Variants in ARHGEF4 observed in about 807,000 individuals in gnomAD.
ARHGEF4 encodes APC-stimulated guanine nucleotide exchange factor 1.
In ARHGEF4, 119 loss-of-function variants were observed where a neutral mutation model predicts 162.0. The observed-to-expected ratio is 0.73, with a 90% CI of 0.63 to 0.86. The LOEUF (loss-of-function observed/expected upper bound fraction) is 0.86, where lower values mean the gene tolerates loss of function less well. ARHGEF4 is among the 40% of genes least tolerant of loss of function. The pLI is 0.00. For missense variants in ARHGEF4, 2,488 were observed against 2,456.0 expected, an observed-to-expected ratio of 1.01 and a Z score of -0.28; for synonymous variants, 1,014 against 979.9, an observed-to-expected ratio of 1.03 and a Z score of -0.65.
At chr2:130,908,053 T>C (rs1014395697) in intron 1 of ARHGEF4, among the ~76,000 whole-genome samples, 11 of 152,206 alleles carry the variant, frequency 7.2e-5, no homozygotes, top group Non-Finnish European at 5.9e-5. Flanking sequence ...TGGTCATATG[T>C]TTAGTTTTAT....
intron 4 of ARHGEF4, among the ~76,000 whole-genome samples, chr2:130,978,103 A>G (rs933355273): frequency 3.9e-5 from 6 of 152,236 alleles, no homozygotes; most frequent in South Asian, 2.1e-4. Flanking sequence ...AAACAAATAC[A>G]AGTTTCAAGC....
chr2:130,865,029 G>A (rs56013843), intron 1 of ARHGEF4, among the ~76,000 whole-genome samples: 12,604 of 152,230 alleles, frequency 0.083, 1,000 homozygotes, highest in African/African-American at 0.2. Flanking sequence ...AAGCCGATAA[G>A]GTGATGCAAG....
intron 4 of ARHGEF4, among the ~76,000 whole-genome samples, chr2:130,948,569 TTTCAGTGTCACTTGA>T (rs1683764730): frequency 6.6e-6 from 1 of 152,234 alleles, no homozygotes; most frequent in Non-Finnish European, 1.5e-5. Flanking sequence ...TTTCCTATTA[TTTCAGTGTCACTTGA>T]AATAATTGGC....
rs1683373197 is a variant in ARHGEF4, at chr2:130,942,543, AAAAAGTATG to A, written c.3859-3960_3859-3952del. Among the ~76,000 whole-genome samples, 3 of 152,330 alleles carry A rather than the reference AAAAAGTATG, an allele frequency of 2.0e-5. No homozygotes were observed. In the South Asian group the frequency reaches 6.2e-4, roughly 32 times the overall value. ...AGATCAACTGCAGGTATAATTCTGAAAAAAGTATGAAAAGAAGCAAGTAATAATATGGTG... is the reference window on the plus strand; with the variant it reads ...AGATCAACTGCAGGTATAATTCTGAAAAAAGAAGCAAGTAATAATATGGTG... On this transcript the variant is annotated intron_variant, in intron 3 of 13. Coordinates refer to ENST00000409359, the MANE Select transcript of ARHGEF4 (RefSeq NM_001367493.1).
At chr2:130,864,714 ACT>A (rs1682144812) in intron 1 of ARHGEF4, among the ~76,000 whole-genome samples, 1 of 152,166 alleles carries the variant, frequency 6.6e-6, no homozygotes, top group African/African-American at 2.4e-5. Context: ...ACAGAGCCAG[ACT>A]CTGTCTCAAA....
At chr2:131,043,715 G>GC in intron 11 of ARHGEF4, 132 bp downstream of exon 11, 13 of 999,586 alleles carry the variant, frequency 1.3e-5, no homozygotes, top group Admixed American at 2.6e-5. Context: ...GACCCTTGGG[G>GC]CTGGGATGGG....
chr2:131,042,645 G>A (rs1690906877), intron 10 of ARHGEF4, among the ~76,000 whole-genome samples: 1 of 152,244 alleles, frequency 6.6e-6, no homozygotes, highest in African/African-American at 2.4e-5. Context: ...TGAATCAGAA[G>A]CCCTGGGGCG....
chr2:130,872,576 A>G (rs77916196), intron 1 of ARHGEF4, among the ~76,000 whole-genome samples: 83 of 152,266 alleles, frequency 5.5e-4, no homozygotes, highest in African/African-American at 1.9e-3. Flanking sequence ...ACTGGGTACA[A>G]TCGCAAATCT....
Position 131,007,939 on chromosome 2 carries a change from A to G in ARHGEF4, c.3986-20006A>G, listed in dbSNP as rs549755445. Among the ~76,000 whole-genome samples, 49 of 150,206 alleles carry G rather than the reference A, an allele frequency of 3.3e-4. 1 individual carries two copies. Among genetic ancestry groups the G allele is most frequent in the African/African-American group, 1.2e-3 (49 of 40,864 alleles). The stretch of plus-strand genomic sequence containing the variant: ...TGATTCTCATTGCCTCAGCCTCCCA[A>G]GTAGCTGTGATTACAGGCACCCACC... On this transcript the variant is annotated intron_variant, in intron 4 of 13. Transcript: ENST00000409359.
intron 4 of ARHGEF4, among the ~76,000 whole-genome samples, chr2:131,006,411 T>C (rs1249577426): frequency 2.0e-5 from 3 of 152,152 alleles, no homozygotes; most frequent in African/African-American, 4.8e-5. Context: ...AGGAAAATAA[T>C]ACATGCATCC....
intron 2 of ARHGEF4, among the ~76,000 whole-genome samples, chr2:130,929,278 T>C (rs1215269146): frequency 1.3e-5 from 2 of 152,210 alleles, no homozygotes; most frequent in Non-Finnish European, 2.9e-5. Flanking sequence ...ACCTTGGACA[T>C]ACCTGGAGAG....
At chr2:131,030,718 T>C (rs1055820151) in intron 5 of ARHGEF4, among the ~76,000 whole-genome samples, 1 of 152,216 alleles carries the variant, frequency 6.6e-6, no homozygotes, top group Non-Finnish European at 1.5e-5. Context: ...CTTGGAGGCC[T>C]CTCTGGGTCC....
chr2:130,998,772 T>C (rs1573568937), intron 4 of ARHGEF4, among the ~76,000 whole-genome samples: 2 of 152,382 alleles, frequency 1.3e-5, no homozygotes, highest in East Asian at 3.9e-4. Context: ...AAAGCTGCTA[T>C]AAACATTTGT....
intron 1 of ARHGEF4, among the ~76,000 whole-genome samples, chr2:130,911,653 C>CT (rs1681193887): frequency 6.6e-6 from 1 of 152,328 alleles, no homozygotes; most frequent in Admixed American, 6.5e-5. Flanking sequence ...ACTACACCAG[C>CT]TTTGTTACCT....
At chr2:131,042,031 G>A in intron 10 of ARHGEF4, 87 bp downstream of exon 10, 9 of 1,502,804 alleles carry the variant, frequency 6.0e-6, no homozygotes, top group Non-Finnish European at 8.0e-6. Context: ...CTAGAAGGGA[G>A]CTGAAGCAGG....
At chr2:130,877,012 C>A (rs536722557) in intron 1 of ARHGEF4, among the ~76,000 whole-genome samples, 1 of 152,158 alleles carries the variant, frequency 6.6e-6, no homozygotes, top group Non-Finnish European at 1.5e-5. Context: ...ACAGTGATTC[C>A]TAACTTGGGG....
At chr2:130,890,519 G>A (rs1380579470) in intron 1 of ARHGEF4, among the ~76,000 whole-genome samples, 4 of 150,824 alleles carry the variant, frequency 2.7e-5, no homozygotes, top group South Asian at 2.1e-4. Flanking sequence ...CCAAGATCAC[G>A]CAACTGCACT....
chr2:130,856,823 A>G (rs980706025), intron 1 of ARHGEF4, among the ~76,000 whole-genome samples: 4 of 152,226 alleles, frequency 2.6e-5, no homozygotes, highest in Non-Finnish European at 4.4e-5. Flanking sequence ...GAAATGTAAT[A>G]TGCTTCACAG....
At chr2:130,837,065 G>T in intron 1 of ARHGEF4, 73 bp downstream of exon 1, 2 of 1,210,724 alleles carry the variant, frequency 1.7e-6, no homozygotes, top group Middle Eastern at 3.2e-4. Flanking sequence ...CACAGCCCGC[G>T]CTGGCTGCTG....
Sources: gnomAD v4.1 joint callset for allele counts (sites outside exome capture counted in the v4.1 genomes callset) on GRCh38, gnomAD v4.1.1 for gene constraint, MANE v1.5 for transcripts, NCBI Gene and HGNC (gene_info 2026-07-23, HGNC 2026-07-21) for gene names.